The following GPC6 variants were observed in gnomAD, a reference collection of about 807,000 sequenced individuals.
GPC6 encodes glypican-6.
Under a neutral mutation model 55.2 loss-of-function variants are expected in GPC6, and 14 were observed. The ratio of observed to expected loss-of-function variants is 0.25; its 90% CI spans 0.17 to 0.40. The LOEUF (loss-of-function observed/expected upper bound fraction) is 0.40, where lower values mean the gene tolerates loss of function less well. Ranked by LOEUF, GPC6 falls within the 10% of genes least tolerant of loss-of-function variation. GPC6 has a pLI of 1.00. For missense variants in GPC6, 641 were observed against 708.5 expected (o/e 0.90, Z 1.08); for synonymous variants, 278 against 259.6 (o/e 1.07, Z -0.68).
At chr13:93,540,274 C>G (rs1222741720) in intron 1 of GPC6, among the ~76,000 whole-genome samples, 1 of 152,024 alleles carries the variant, frequency 6.6e-6, no homozygotes, top group African/African-American at 2.4e-5. Context: ...GTTTTTGTTA[C>G]AAAATATTTT....
At chr13:93,850,980 T>G (rs1293746099) in intron 3 of GPC6, among the ~76,000 whole-genome samples, 1 of 151,998 alleles carries the variant, frequency 6.6e-6, no homozygotes, top group Non-Finnish European at 1.5e-5. Flanking sequence ...TAGCAGTTAT[T>G]TTGAAAGTTG....
chr13:93,240,476 G>A (rs1156274616), intron 1 of GPC6, among the ~76,000 whole-genome samples: 1 of 151,862 alleles, frequency 6.6e-6, no homozygotes, highest in East Asian at 1.9e-4. Flanking sequence ...ATTTTTGGAT[G>A]CCATTTGTGT....
intron 5 of GPC6, among the ~76,000 whole-genome samples, chr13:94,298,146 T>C (rs1875443956): frequency 6.6e-6 from 1 of 152,206 alleles, no homozygotes; most frequent in Admixed American, 6.5e-5. Context: ...AGGAAACCAC[T>C]TTTTATGCTA....
chr13:93,838,554 G>A (rs1368811742), intron 3 of GPC6, among the ~76,000 whole-genome samples: 1 of 152,176 alleles, frequency 6.6e-6, no homozygotes, highest in Non-Finnish European at 1.5e-5. Flanking sequence ...AGCATCACGT[G>A]AGCTGTGGAC....
At chr13:94,199,840 G>T (rs529483067) in intron 4 of GPC6, among the ~76,000 whole-genome samples, 2 of 152,160 alleles carry the variant, frequency 1.3e-5, no homozygotes, top group African/African-American at 4.8e-5. Context: ...ACAGAAACTG[G>T]AAGGCAGAGT....
intron 4 of GPC6, among the ~76,000 whole-genome samples, chr13:94,242,025 C>T (rs1294496189): frequency 2.6e-5 from 4 of 151,986 alleles, no homozygotes; most frequent in African/African-American, 7.2e-5. Context: ...CCCATTAACT[C>T]GTCATTTACA....
At chr13:93,351,235 G>A (rs146013321) in intron 1 of GPC6, among the ~76,000 whole-genome samples, 76 of 152,206 alleles carry the variant, frequency 5.0e-4, no homozygotes, top group Non-Finnish European at 8.8e-5. Flanking sequence ...GTTTATAATA[G>A]TAGTTGCAGT....
At chr13:93,407,430 G>C (rs1311778260) in intron 1 of GPC6, among the ~76,000 whole-genome samples, 3 of 152,024 alleles carry the variant, frequency 2.0e-5, no homozygotes, top group Admixed American at 2.0e-4. Context: ...TTATGGCTGA[G>C]ACCGTGCCTG....
At chr13:94,065,438 G>GTA (rs1235930913) in intron 4 of GPC6, among the ~76,000 whole-genome samples, 2 of 152,126 alleles carry the variant, frequency 1.3e-5, no homozygotes. Flanking sequence ...GTCTTGCATG[G>GTA]TATTCCTGTA....
chr13:93,865,414 A>G (rs1888932341), intron 3 of GPC6, among the ~76,000 whole-genome samples: 1 of 151,754 alleles, frequency 6.6e-6, no homozygotes, highest in Admixed American at 6.6e-5. Flanking sequence ...GTGAGACACC[A>G]AAGGATTCTG....
intron 1 of GPC6, among the ~76,000 whole-genome samples, chr13:93,497,817 A>G (rs915745915): frequency 5.3e-5 from 8 of 152,178 alleles, no homozygotes; most frequent in Admixed American, 3.3e-4. Context: ...AATAAATCAA[A>G]TGCATTCCAG....
chr13:94,269,368 G>A (rs990260376), intron 4 of GPC6, among the ~76,000 whole-genome samples: 1 of 152,166 alleles, frequency 6.6e-6, no homozygotes, highest in African/African-American at 2.4e-5. Flanking sequence ...ATGGGACTGT[G>A]ACCCGTTTTC....
chr13:93,234,736 A>G (rs1876176205), intron 1 of GPC6, among the ~76,000 whole-genome samples: 1 of 146,914 alleles, frequency 6.8e-6, no homozygotes, highest in Non-Finnish European at 1.5e-5. Context: ...GAAGGAAGAG[A>G]GAGAAGAGAG....
chr13:93,474,999 A>C (rs1365086781), intron 1 of GPC6, among the ~76,000 whole-genome samples: 1 of 152,172 alleles, frequency 6.6e-6, no homozygotes, highest in Non-Finnish European at 1.5e-5. Context: ...TAAAATAATT[A>C]GGCAGGTGTG....
intron 3 of GPC6, among the ~76,000 whole-genome samples, chr13:93,860,489 A>G (rs1038720195): frequency 2.6e-5 from 4 of 151,680 alleles, no homozygotes; most frequent in African/African-American, 9.7e-5. Context: ...GTTAACTCAT[A>G]GACCTAAATT....
intron 2 of GPC6, among the ~76,000 whole-genome samples, chr13:93,808,052 T>A (rs1272107254): frequency 6.6e-6 from 1 of 152,204 alleles, no homozygotes; most frequent in Non-Finnish European, 1.5e-5. Context: ...CCACTTACAC[T>A]TCACTTTCCT....
intron 1 of GPC6, among the ~76,000 whole-genome samples, chr13:93,479,015 G>A (rs1453647143): frequency 6.6e-6 from 1 of 152,130 alleles, no homozygotes; most frequent in Non-Finnish European, 1.5e-5. Context: ...CTACTGGAGT[G>A]AACAAACCAT....
At chr13:94,392,609 A>G (rs891624751) in intron 7 of GPC6, among the ~76,000 whole-genome samples, 2 of 151,662 alleles carry the variant, frequency 1.3e-5, no homozygotes, top group Non-Finnish European at 2.9e-5. Context: ...TTGTATTTTT[A>G]GTAGAGATGG....
chr13:94,246,290 A>AT (rs1194277209), intron 4 of GPC6, among the ~76,000 whole-genome samples: 1 of 151,842 alleles, frequency 6.6e-6, no homozygotes, highest in Non-Finnish European at 1.5e-5. Context: ...GTTTGTAAAT[A>AT]TTTTTTCTCA....
Sources: gnomAD v4.1 joint callset for allele counts (sites outside exome capture counted in the v4.1 genomes callset) on GRCh38, gnomAD v4.1.1 for gene constraint, MANE v1.5 for transcripts, NCBI Gene and HGNC (gene_info 2026-07-23, HGNC 2026-07-21) for gene names.